RYR2: variants seen among roughly 807,000 people sequenced by gnomAD.
RYR2 encodes the protein cardiac muscle ryanodine receptor-calcium release channel.
RYR2 carries 227 observed loss-of-function variants against 601.1 expected under a neutral mutation model. The ratio of observed to expected loss-of-function variants is 0.38; its 90% CI spans 0.34 to 0.42. The LOEUF (loss-of-function observed/expected upper bound fraction) is 0.42. RYR2 is among the 10% of genes least tolerant of loss of function. RYR2 has a pLI of 1.00. For missense variants in RYR2, 4,646 were observed against 6,156.5 expected, an observed-to-expected ratio of 0.75 and a Z score of 8.21; for synonymous variants, 2,223 against 2,175.1, an observed-to-expected ratio of 1.02 and a Z score of -0.61.
chr1:237,411,149 T>G (rs1704415732), intron 10 of RYR2, among the ~76,000 whole-genome samples: 1 of 152,172 alleles, frequency 6.6e-6, no homozygotes, highest in African/African-American at 2.4e-5. Flanking sequence ...TCACCTCCAG[T>G]GACTACAGCC....
At chr1:237,102,929 T>C (rs544660038) in intron 1 of RYR2, among the ~76,000 whole-genome samples, 1 of 152,354 alleles carries the variant, frequency 6.6e-6, no homozygotes, top group South Asian at 2.1e-4. Flanking sequence ...ATCAAAACCA[T>C]TTAAAACGAT....
chr1:237,166,716 A>T (rs1020110698), intron 1 of RYR2, among the ~76,000 whole-genome samples: 4 of 152,254 alleles, frequency 2.6e-5, no homozygotes, highest in African/African-American at 9.6e-5. Flanking sequence ...GGTACAATAA[A>T]GCATTTGCAA....
chr1:237,763,402 C>T (rs1026448364), intron 84 of RYR2, among the ~76,000 whole-genome samples: 2 of 152,178 alleles, frequency 1.3e-5, no homozygotes, highest in African/African-American at 4.8e-5. Context: ...CGCCAGTGTG[C>T]TCTGCCAGTT....
rs866510221 is a variant in RYR2 at position 237,517,615 on chromosome 1, A to G, written c.2822+5824A>G. Among the ~76,000 whole-genome samples, 7 of 152,112 alleles carry G rather than the reference A, an allele frequency of 4.6e-5. No individual in the cohort carries two copies. In the South Asian group the frequency reaches 6.2e-4, roughly 14 times the overall value. On this transcript the variant is annotated intron_variant, in intron 24 of 104. Coordinates refer to ENST00000366574, the MANE Select transcript of RYR2 (RefSeq NM_001035.3). ...AAGCTTGTTCTAGACTGTAAGCTCC[A>G]TGAAGCCAGGAACTATAATTAAAAA...
rs149400561 is a variant in RYR2 at position 237,098,066 on chromosome 1, C to T, written c.48+55497C>T. Among the ~76,000 whole-genome samples, 1,145 of 152,230 alleles carry T rather than the reference C, an allele frequency of 7.5e-3. 10 individuals are homozygous for T. The highest frequency in any genetic ancestry group is 0.012 in the Non-Finnish European group (791 of 68,018). ...TCAAGATTGACTGATGTTTTCCTCC[C>T]TATTAATTTCCCGTAGGAATGGTAA... On this transcript the variant is annotated intron_variant, in intron 1 of 104. Coordinates refer to ENST00000366574, the MANE Select transcript of RYR2 (RefSeq NM_001035.3).
chr1:237,824,642 C>G (rs1461999518), intron 101 of RYR2, among the ~76,000 whole-genome samples: 1 of 152,126 alleles, frequency 6.6e-6, no homozygotes, highest in Non-Finnish European at 1.5e-5. Context: ...CCTCTCTCAC[C>G]ACTCCTATTC....
At position 237,648,520 on chromosome 1, in the gene RYR2, C is replaced by G; in HGVS notation, c.7419C>G (p.Asp2473Glu). ...DHKAAMVLFL[D>E]RVYGIEVQDF... Reference sequence around the variant, plus strand: ...AGGCAGCCATGGTTTTATTCCTTGACAGGGTCTATGGGATTGAGGTTCAAG... The same window carrying G: ...AGGCAGCCATGGTTTTATTCCTTGAGAGGGTCTATGGGATTGAGGTTCAAG... Residue 2473 changes from aspartate to glutamate, a missense_variant, in exon 49 of 105, where the codon GAC becomes GAG. By Grantham distance (45) the Asp-to-Glu change is conservative (BLOSUM62 2). Transcript: ENST00000366574. 1.9e-6 allele frequency: 3 copies of G among 1,611,486 alleles called. No individual in the cohort carries two copies. Among genetic ancestry groups the G allele is most frequent in the East Asian group, 4.5e-5 (2 of 44,860 alleles).
chr1:237,437,639 A>C (rs533538284), intron 12 of RYR2, among the ~76,000 whole-genome samples: 1 of 152,362 alleles, frequency 6.6e-6, no homozygotes, highest in African/African-American at 2.4e-5. Context: ...ACAAAGTGCC[A>C]ACATTTCCCT....
At chr1:237,563,485 T>G (rs1428576041) in intron 27 of RYR2, among the ~76,000 whole-genome samples, 1 of 146,900 alleles carries the variant, frequency 6.8e-6, no homozygotes, top group South Asian at 2.2e-4. Flanking sequence ...CTTTTTTTTT[T>G]GTGAAGTCCC....
chr1:237,711,281 A>T, intron 70 of RYR2, among the ~76,000 whole-genome samples: 1 of 152,190 alleles, frequency 6.6e-6, no homozygotes, highest in East Asian at 1.9e-4. Flanking sequence ...AGATAAATTG[A>T]TTTTGCCAGT....
rs1215940793 is a variant in RYR2, at chr1:237,733,730, A to G, written c.11065A>G (p.Met3689Val). The part of the protein sequence containing the change: ...KCKLEEDFLY[M>V]AYADIMAKSC... Reference sequence around the variant, plus strand: ...CAAACTGGAGGAAGATTTTTTATATATGGCCTATGCAGATATTATGGCAAA... The same window carrying G: ...CAAACTGGAGGAAGATTTTTTATATGTGGCCTATGCAGATATTATGGCAAA... The change falls in exon 79 of 105, where the codon ATG (methionine) becomes GTG (valine). Residue 3689 changes from methionine (M) to valine (V), a missense_variant. Met to Val is a conservative substitution (Grantham distance 21). Transcript: ENST00000366574. 2.7e-5 allele frequency: 43 copies of G among 1,609,672 alleles called. No homozygotes were observed. The highest frequency in any genetic ancestry group is 3.3e-5 in the Non-Finnish European group (39 of 1,176,728).
chr1:237,319,877 T>A lies in RYR2; in HGVS notation c.169-11001T>A, dbSNP rs533242173. 3.9e-5 allele frequency among the ~76,000 whole-genome samples: 6 copies of A among 152,308 alleles called. No homozygotes were observed. In the South Asian group the frequency reaches 1.2e-3, roughly 32 times the overall value. ...TGTGTGCTAGCAGATCTGTTGGACC[T>A]CCCTGGGATGTGTCACTTTCATAGA... On this transcript the variant is annotated intron_variant, in intron 2 of 104. Transcript: ENST00000366574.
At chr1:237,420,322 T>C (rs572426608) in intron 11 of RYR2, among the ~76,000 whole-genome samples, 1 of 152,204 alleles carries the variant, frequency 6.6e-6, no homozygotes, top group Non-Finnish European at 1.5e-5. Context: ...CTATTTTTTA[T>C]GTTGCAAATA....
chr1:237,287,682 A>C (rs184083276), intron 2 of RYR2, among the ~76,000 whole-genome samples: 6 of 152,250 alleles, frequency 3.9e-5, no homozygotes, highest in Non-Finnish European at 7.4e-5. Flanking sequence ...TCTTTAAGCT[A>C]TCTAATTCCT....
intron 1 of RYR2, among the ~76,000 whole-genome samples, chr1:237,047,847 C>G (rs1162036574): frequency 1.3e-5 from 2 of 152,172 alleles, no homozygotes; most frequent in Non-Finnish European, 2.9e-5. Flanking sequence ...TCTGGCTCTT[C>G]TGCCTTCATG....
chr1:237,803,729 TG>T (rs1165999710), intron 98 of RYR2, among the ~76,000 whole-genome samples: 1 of 152,216 alleles, frequency 6.6e-6, no homozygotes, highest in African/African-American at 2.4e-5. Flanking sequence ...TTAGTATTTT[TG>T]TTCTTCTTAC....
chr1:237,550,502 C>G (rs762945085), intron 26 of RYR2, 42 bp from the exon 27 acceptor site: 9 of 1,590,750 alleles, frequency 5.7e-6, no homozygotes, highest in Non-Finnish European at 7.7e-6. Context: ...TCTAAAAGCC[C>G]TTGGTATTGC....
intron 17 of RYR2, among the ~76,000 whole-genome samples, chr1:237,473,477 C>CTTTCTTTCTTTCTTCTTCTTTCTTTCTT (rs1553464755): frequency 2.1e-5 from 3 of 145,652 alleles, no homozygotes; most frequent in South Asian, 2.2e-4. Context: ...ATCTATCTAT[C>CTTTCTTTCTTTCTTCTTCTTTCTTTCTT]TGGCATATAT....
intron 100 of RYR2, among the ~76,000 whole-genome samples, chr1:237,816,339 T>C (rs1348626679): frequency 6.6e-6 from 1 of 152,194 alleles, no homozygotes; most frequent in East Asian, 1.9e-4. Flanking sequence ...AACCACTCTT[T>C]GTTGATTTCC....
Sources: gnomAD v4.1 joint callset for allele counts (sites outside exome capture counted in the v4.1 genomes callset) on GRCh38, gnomAD v4.1.1 for gene constraint, MANE v1.5 for transcripts, NCBI Gene and HGNC (gene_info 2026-07-23, HGNC 2026-07-21) for gene names.